Variants in ELL3 observed in about 807,000 individuals in gnomAD.
The protein encoded by ELL3 is RNA polymerase II elongation factor ELL3.
ELL3 carries 48 observed loss-of-function variants against 58.5 expected under a neutral mutation model. The ratio of observed to expected loss-of-function variants is 0.82; its 90% confidence interval spans 0.65 to 1.04. The LOEUF is 1.04. ELL3 is among the 50% of genes least tolerant of loss of function. The probability of loss-of-function intolerance (pLI) is 0.00; values close to 1 mark genes in which losing one functional copy is unlikely to be tolerated. For synonymous variants in ELL3, 174 were observed against 173.2 expected (o/e 1.00, Z -0.04); for missense variants, 458 against 478.4 (o/e 0.96, Z 0.40).
Position 43,773,298 on chromosome 15 carries a change from T to G in ELL3, c.1083+6A>C. ...ACCTTGCTTCCGTTCCCAGACCTTG[T>G]CTTACCTTCCTGAACTTTTTATATT... is the stretch of plus-strand genomic sequence containing the variant. On this transcript the variant is annotated splice_donor_region_variant and intron_variant, in intron 10 of 10. Coordinates refer to ENST00000319359, the MANE Select transcript of ELL3 (RefSeq NM_025165.3). 2 of 1,614,192 alleles carry G rather than the reference T, an allele frequency of 1.2e-6. No individual in the cohort carries two copies. Among genetic ancestry groups the G allele is most frequent in the Non-Finnish European group, 1.7e-6 (2 of 1,180,028 alleles).
rs1162376727 is a variant in ELL3, at chr15:43,776,830, GA to G, written c.71del (p.Leu24ProfsTer25). 2 of 1,612,316 alleles carry G rather than the reference GA, an allele frequency of 1.2e-6. No homozygotes were observed. The highest frequency in any genetic ancestry group is 1.7e-6 in the Non-Finnish European group (2 of 1,179,520). On this transcript the variant is annotated frameshift_variant, in exon 1 of 11. Coordinates refer to ENST00000319359, the MANE Select transcript of ELL3 (RefSeq NM_025165.3). LOFTEE classifies it high-confidence loss of function. ...LCFTQAARTS[L>X]LLLRLNDAAL... ...CAGCGTCGTTGAGCCTGAGCAGTAA[GA>G]GGCTAGTCCGGGCAGCTTGCGTGAA...
In ELL3 at chr15:43,774,642, ATCT is replaced by A. The variant is rs766825278; in HGVS notation, c.774_776del (p.Glu258del). On this transcript the variant is annotated inframe_deletion, in exon 7 of 11. Transcript: ENST00000319359. ...GTTCTAATCTGGGGTCCATGTCCTC[ATCT>A]TCTTGCTCCCAATCTTCTCCCTCTT... 3 of 1,614,144 alleles carry A rather than the reference ATCT, an allele frequency of 1.9e-6. No individual in the cohort carries two copies. The highest frequency in any genetic ancestry group is 2.2e-5 in the East Asian group (1 of 44,884).
rs1284004204 is a variant in ELL3, at chr15:43,776,119, G to T, written c.201C>A (p.Cys67Ter). The T allele has an allele frequency of 2.9e-5, 47 of 1,614,034 alleles. No individual in the cohort carries two copies. Among genetic ancestry groups the T allele is most frequent in the Non-Finnish European group, 4.0e-5 (47 of 1,180,026 alleles). The change falls in exon 3 of 11, where the codon TGC (cysteine) becomes TGA (stop). Residue 67 changes from cysteine (C) to a stop codon, truncating the protein, a stop_gained. Transcript: ENST00000319359. LOFTEE classifies it high-confidence loss of function. ...ACTGGGACACTATGAAGGAGAAGAG[G>T]CAGGACCAACCAGGGCCTGGGAGTC... ...YLRLPGPGWS[C>*]LFSFIVSQCC...
In ELL3 at chr15:43,775,817, G is replaced by T. The variant is rs780729535; in HGVS notation, c.388C>A (p.Leu130Met). The T allele has an allele frequency of 1.1e-5, 17 of 1,614,072 alleles. No individual in the cohort carries two copies. The highest frequency in any genetic ancestry group is 1.3e-5 in the Non-Finnish European group (15 of 1,180,044). ...TCAGGATGTCTGGCATCTTCAGTCA[G>T]GTTGTGTCCCTGAACTGATGATGGG... ...PAPSSVQGHN[L>M]TEDARHPESW... Residue 130 changes from leucine (L) to methionine (M), a missense_variant, in exon 4 of 11, where the codon CTG becomes ATG. Physicochemically the swap from Leu to Met is conservative, Grantham distance 15 (BLOSUM62 2). Coordinates refer to ENST00000319359, the MANE Select transcript of ELL3 (RefSeq NM_025165.3).
Position 43,776,774 on chromosome 15 carries a change from T to C in ELL3, c.128A>G (p.Gln43Arg). 6.2e-7 allele frequency: 1 copy of C among 1,604,548 alleles called. No individual in the cohort carries two copies. Among genetic ancestry groups the C allele is most frequent in the Non-Finnish European group, 8.5e-7 (1 of 1,173,678 alleles). ...ALRALQECQR[Q>R]QVRPVIAFQG... The stretch of plus-strand genomic sequence containing the variant: ...GAAGAAGGGGGCCGGCCGTACCTGT[T>C]GCCGCTGACACTCTTGCAGCGCCCG... The change falls in exon 1 of 11, where the codon CAA becomes CGA. Residue 43 changes from glutamine to arginine, a missense_variant. Transcript: ENST00000319359.
intron 9 of ELL3, 61 bp from the exon 10 acceptor site, chr15:43,773,409 C>T (rs527484797): frequency 6.3e-7 from 1 of 1,588,512 alleles, no homozygotes; most frequent in Admixed American, 1.7e-5. Context: ...GGCGGCCAGG[C>T]ATGGTGGCTC....
rs1244514718 is a variant in ELL3, at chr15:43,772,632, A to C, written c.*484T>G. 6.6e-6 allele frequency: 1 copy of C among 152,378 alleles called. No individual in the cohort carries two copies. The highest frequency in any genetic ancestry group is 1.5e-5 in the Non-Finnish European group (1 of 68,156). 9.4% of individuals were successfully genotyped at this position (152,378 alleles called of 1,614,324 possible). On this transcript the variant is annotated 3_prime_UTR_variant, in exon 11 of 11. Coordinates refer to ENST00000319359, the MANE Select transcript of ELL3 (RefSeq NM_025165.3). ...CAGAAGCAGTCAGTTTTAATTTTTT[A>C]GCCATGTTGGTAAAAGTTCATTTTC... is the stretch of plus-strand genomic sequence containing the variant.
In ELL3 at chr15:43,775,941, A is replaced by G; in HGVS notation, c.282-18T>C. The G allele has an allele frequency of 1.2e-6, 2 of 1,613,670 alleles. No individual in the cohort carries two copies. Among genetic ancestry groups the G allele is most frequent in the Non-Finnish European group, 1.7e-6 (2 of 1,179,766 alleles). ...GCCCAGACCTGGAAAAGGATGGTGG[A>G]AAAAAATAGGAGGGTGGAGACCTCT... On this transcript the variant is annotated intron_variant, in intron 3 of 10. Transcript: ENST00000319359.
rs1367213214 is a variant in ELL3 at position 43,772,922 on chromosome 15, CTT to C, written c.*192_*193del. 1.9e-5 allele frequency: 10 copies of C among 529,396 alleles called. No individual in the cohort carries two copies. Among genetic ancestry groups the C allele is most frequent in the Non-Finnish European group, 3.3e-5 (10 of 305,320 alleles). The allele number at this position is 529,396 out of a possible 1,614,324, so 32.8% of individuals were successfully genotyped here. A position where few individuals can be genotyped will look rare whatever the true frequency, so the allele number is the denominator to read the frequency against. On this transcript the variant is annotated 3_prime_UTR_variant, in exon 11 of 11. Transcript: ENST00000319359. ...AGACTCCTAGGCACAGCTATGGAGT[CTT>C]TGCACAGTGCCCATACCCTAAAAAT...
At position 43,775,741 on chromosome 15, in the gene ELL3, G is replaced by A; in HGVS notation, c.464C>T (p.Pro155Leu). 1 of 1,614,116 alleles carries A rather than the reference G, an allele frequency of 6.2e-7. No individual in the cohort carries two copies. The highest frequency in any genetic ancestry group is 8.5e-7 in the Non-Finnish European group (1 of 1,180,036). ...GYSEGDAVSQ[P>L]QMALEEVSVS... Reference sequence around the variant, plus strand: ...ACCCACCTCCTCTAGTGCCATCTGTGGCTGTGATACTGCATCTCCTTCAGA... The same window carrying A: ...ACCCACCTCCTCTAGTGCCATCTGTAGCTGTGATACTGCATCTCCTTCAGA... Residue 155 changes from proline to leucine, a missense_variant, in exon 4 of 11, where the codon CCA becomes CTA. Transcript: ENST00000319359.
At position 43,776,818 on chromosome 15, in the gene ELL3, C is replaced by A; in HGVS notation, c.84G>T (p.Arg28Ser). The A allele has an allele frequency of 6.2e-7, 1 of 1,612,108 alleles. No individual in the cohort carries two copies. The highest frequency in any genetic ancestry group is 1.3e-5 in the African/African-American group (1 of 75,066). Reference sequence around the variant, plus strand: ...GCGCCCGCAGGGCAGCGTCGTTGAGCCTGAGCAGTAAGAGGCTAGTCCGGG... The same window carrying A: ...GCGCCCGCAGGGCAGCGTCGTTGAGACTGAGCAGTAAGAGGCTAGTCCGGG... The part of the protein sequence containing the change: ...QAARTSLLLL[R>S]LNDAALRALQ... Residue 28 changes from arginine (R) to serine (S), a missense_variant, in exon 1 of 11, where the codon AGG becomes AGT. Physicochemically the swap from Arg to Ser is moderately radical, Grantham distance 110 (BLOSUM62 -1). Transcript: ENST00000319359.
chr15:43,774,480 G>T lies in ELL3; in HGVS notation c.862C>A (p.Leu288Ile), dbSNP rs199699529. The T allele has an allele frequency of 6.2e-7, 1 of 1,614,168 alleles. No individual in the cohort carries two copies. Among genetic ancestry groups the T allele is most frequent in the Non-Finnish European group, 8.5e-7 (1 of 1,180,030 alleles). The change falls in exon 8 of 11, where the codon CTC becomes ATC. Residue 288 changes from leucine to isoleucine, a missense_variant. By Grantham distance (5) the Leu-to-Ile change is conservative. Coordinates refer to ENST00000319359, the MANE Select transcript of ELL3 (RefSeq NM_025165.3). ...SPSPEDIPDY[L>I]LQYRAIHSAE... The stretch of plus-strand genomic sequence containing the variant: ...TGGAAAAAGCAAGGAACTCACAGGA[G>T]GTAGTCTGGTATATCTTCAGGACTT...
intron 6 of ELL3, among the ~76,000 whole-genome samples, chr15:43,775,057 C>G (rs923495783): frequency 6.6e-6 from 1 of 151,464 alleles, no homozygotes; most frequent in African/African-American, 2.4e-5. Flanking sequence ...TGTGGTGAGC[C>G]GTGATCATAC....
intron 2 of ELL3, 27 bp from the exon 3 acceptor site, chr15:43,776,178 C>T: frequency 1.2e-6 from 2 of 1,600,028 alleles, no homozygotes; most frequent in South Asian, 1.1e-5. Flanking sequence ...ACGGTAAGCC[C>T]CATGAAGTCA....
intron 2 of ELL3, 95 bp from the exon 3 acceptor site, chr15:43,776,246 A>G: frequency 8.0e-7 from 1 of 1,254,582 alleles, no homozygotes; most frequent in Non-Finnish European, 1.1e-6. Context: ...AGTAAGACTA[A>G]GACGGGTCCC....
chr15:43,775,465 A>T (rs1423002291), intron 5 of ELL3, 60 bp downstream of exon 5: 29 of 1,609,022 alleles, frequency 1.8e-5, no homozygotes, highest in Non-Finnish European at 2.1e-5. Context: ...TTAAGAGTGG[A>T]GATTAGAAAG....
chr15:43,773,280 T>C (rs2086892226), intron 10 of ELL3, 24 bp downstream of exon 10: 1 of 1,614,178 alleles, frequency 6.2e-7, no homozygotes. Flanking sequence ...TCTACCTTGC[T>C]TCCGTTCCCA....
Position 43,776,254 on chromosome 15 carries a change from C to G in ELL3, c.169-103G>C, listed in dbSNP as rs986453451. Reference sequence around the variant, plus strand: ...GTCCGTAAGTAAGACTAAGACGGGTCCCACAGGGCTTGTTAGCACACCAGG... The same window carrying G: ...GTCCGTAAGTAAGACTAAGACGGGTGCCACAGGGCTTGTTAGCACACCAGG... On this transcript the variant is annotated intron_variant, in intron 2 of 10. Transcript: ENST00000319359. 1.5e-5 allele frequency: 18 copies of G among 1,195,230 alleles called. No individual in the cohort carries two copies. In the Admixed American group the frequency reaches 1.6e-4, roughly 11 times the overall value. The allele number at this position is 1,195,230 out of a possible 1,614,324, so 74.0% of individuals were successfully genotyped here.
In ELL3 at chr15:43,773,055, T is replaced by C; in HGVS notation, c.*61A>G. 6.9e-7 allele frequency: 1 copy of C among 1,449,416 alleles called. No individual in the cohort carries two copies. Among genetic ancestry groups the C allele is most frequent in the African/African-American group, 1.4e-5 (1 of 70,224 alleles). 89.8% of individuals were successfully genotyped at this position (1,449,416 alleles called of 1,614,324 possible). On this transcript the variant is annotated 3_prime_UTR_variant, in exon 11 of 11. Coordinates refer to ENST00000319359, the MANE Select transcript of ELL3 (RefSeq NM_025165.3). Reference sequence around the variant, plus strand: ...GCAGATAGTTGCATTCTATTTAGTTTATAGCTGCTTTGTTCCTTTGTGTTT... The same window carrying C: ...GCAGATAGTTGCATTCTATTTAGTTCATAGCTGCTTTGTTCCTTTGTGTTT...
Sources: gnomAD v4.1 joint callset for allele counts (sites outside exome capture counted in the v4.1 genomes callset) on GRCh38, gnomAD v4.1.1 for gene constraint, MANE v1.5 for transcripts, NCBI Gene and HGNC (gene_info 2026-07-23, HGNC 2026-07-21) for gene names.